Variants in CACNA2D1 observed in about 807,000 individuals in gnomAD.
CACNA2D1 encodes the protein voltage-dependent calcium channel subunit alpha-2/delta-1.
In CACNA2D1, 53 loss-of-function variants were observed where a neutral mutation model predicts 171.5. That is an observed-to-expected ratio of 0.31 (90% confidence interval 0.25 to 0.39). The LOEUF (loss-of-function observed/expected upper bound fraction) is 0.39. CACNA2D1 is among the 10% of genes least tolerant of loss of function. The pLI is 1.00. For missense variants in CACNA2D1, 903 were observed against 1,299.8 expected (o/e 0.69, Z 4.69); for synonymous variants, 442 against 443.1 (o/e 1.00, Z 0.03).
Position 81,949,414 on chromosome 7 carries a change from T to C in CACNA2D1, c.*978A>G, listed in dbSNP as rs948236290. Reference sequence around the variant, plus strand: ...AGGTTCAGATTCTTACATAACAATATCACTCAGTTAACTTTTCAATGACTA... The same window carrying C: ...AGGTTCAGATTCTTACATAACAATACCACTCAGTTAACTTTTCAATGACTA... On this transcript the variant is annotated 3_prime_UTR_variant, in exon 39 of 39. Coordinates refer to ENST00000356860, the MANE Select transcript of CACNA2D1 (RefSeq NM_000722.4). 1.3e-5 allele frequency: 2 copies of C among 151,984 alleles called. No individual in the cohort carries two copies. The highest frequency in any genetic ancestry group is 4.1e-4 in the South Asian group (2 of 4,834). The allele number at this position is 151,984 out of a possible 1,614,324, so 9.4% of individuals were successfully genotyped here. A position where few individuals can be genotyped will look rare whatever the true frequency, so the allele number is the denominator to read the frequency against.
chr7:82,189,161 A>C (rs1210235816), intron 3 of CACNA2D1, among the ~76,000 whole-genome samples: 1 of 152,016 alleles, frequency 6.6e-6, no homozygotes, highest in Non-Finnish European at 1.5e-5. Flanking sequence ...TGTACCCTTG[A>C]ACCTAAAACA....
chr7:82,302,411 C>CT (rs200236524), intron 3 of CACNA2D1, among the ~76,000 whole-genome samples: 61,628 of 140,048 alleles, frequency 0.44, 13,437 homozygotes, highest in African/African-American at 0.48. Context: ...ATTTCTAATT[C>CT]TTTTTTTTTT....
intron 4 of CACNA2D1, among the ~76,000 whole-genome samples, chr7:82,163,154 A>C (rs948206710): frequency 6.6e-6 from 1 of 152,108 alleles, no homozygotes; most frequent in African/African-American, 2.4e-5. Context: ...GATTGACAAT[A>C]AATGGAAATA....
chr7:82,371,687 G>A (rs147930163), intron 1 of CACNA2D1, among the ~76,000 whole-genome samples: 271 of 152,096 alleles, frequency 1.8e-3, no homozygotes, highest in Non-Finnish European at 2.8e-3. Flanking sequence ...CGATTCCCCT[G>A]CCTTAGACTC....
intron 1 of CACNA2D1, among the ~76,000 whole-genome samples, chr7:82,434,745 C>T (rs1053482236): frequency 6.6e-6 from 1 of 152,104 alleles, no homozygotes; most frequent in Non-Finnish European, 1.5e-5. Context: ...CACTTGTCTC[C>T]ATATTCTCAA....
chr7:82,142,198 C>G (rs258718), intron 4 of CACNA2D1, among the ~76,000 whole-genome samples: 15,812 of 152,162 alleles, frequency 0.1, 1,028 homozygotes, highest in Middle Eastern at 0.24. Flanking sequence ...AAATTGTTTT[C>G]TTTCTGATTT....
rs1826315387 is a variant in CACNA2D1 at position 82,400,844 on chromosome 7, C to CA, written c.95+42520dup. Among the ~76,000 whole-genome samples the CA allele has an allele frequency of 2.0e-5, 3 of 151,220 alleles. No individual in the cohort carries two copies. In the South Asian group the frequency reaches 6.3e-4, roughly 32 times the overall value. On this transcript the variant is annotated intron_variant, in intron 1 of 38. Coordinates refer to ENST00000356860, the MANE Select transcript of CACNA2D1 (RefSeq NM_000722.4). ...TAATATCCAGAATCTACAATGAACTCAAACAAATTTACAAGAAAAAAACAA... is the reference window on the plus strand; with the variant it reads ...TAATATCCAGAATCTACAATGAACTCAAAACAAATTTACAAGAAAAAAACAA...
intron 10 of CACNA2D1, among the ~76,000 whole-genome samples, chr7:82,052,218 G>T (rs1023157789): frequency 6.6e-6 from 1 of 152,084 alleles, no homozygotes; most frequent in Admixed American, 6.5e-5. Context: ...GAAAAATTAC[G>T]GTCAAAGTTA....
chr7:81,988,841 C>T (rs2130716057), intron 21 of CACNA2D1, among the ~76,000 whole-genome samples: 1 of 152,234 alleles, frequency 6.6e-6, no homozygotes, highest in South Asian at 2.1e-4. Context: ...ACAATCCCTG[C>T]CCTCTTGGAA....
intron 5 of CACNA2D1, among the ~76,000 whole-genome samples, chr7:82,130,063 G>A (rs1185741381): frequency 2.0e-5 from 3 of 152,168 alleles, no homozygotes; most frequent in East Asian, 1.9e-4. Context: ...TAACTATGAC[G>A]TGTTCTTAAA....
In CACNA2D1 at chr7:82,175,149, AATT is replaced by A. The variant is rs563683950; in HGVS notation, c.295-4543_295-4541del. Among the ~76,000 whole-genome samples, 222 of 152,044 alleles carry A rather than the reference AATT, an allele frequency of 1.5e-3. 1 individual carries two copies. Among genetic ancestry groups the A allele is most frequent in the Non-Finnish European group, 2.4e-3 (163 of 67,898 alleles). On this transcript the variant is annotated intron_variant, in intron 3 of 38. Transcript: ENST00000356860. ...GTTAAAGATAAAATTTGCTTTCTGA[AATT>A]ATGAGAAATTTTCTTTTGATAGCTT...
At chr7:82,264,290 C>A (rs1807518732) in intron 3 of CACNA2D1, among the ~76,000 whole-genome samples, 1 of 152,046 alleles carries the variant, frequency 6.6e-6, no homozygotes, top group African/African-American at 2.4e-5. Flanking sequence ...TAGTCCTATT[C>A]AATATTAATG....
At chr7:82,236,653 A>G (rs2129288078) in intron 3 of CACNA2D1, among the ~76,000 whole-genome samples, 1 of 152,258 alleles carries the variant, frequency 6.6e-6, no homozygotes, top group South Asian at 2.1e-4. Context: ...AGAATGGAGA[A>G]TTCAACCAAA....
chr7:82,329,114 G>A (rs979170695), intron 3 of CACNA2D1, among the ~76,000 whole-genome samples: 1 of 151,698 alleles, frequency 6.6e-6, no homozygotes, highest in Non-Finnish European at 1.5e-5. Context: ...AGAATGACTG[G>A]CCTAAGAGTT....
rs572846798 is a variant in CACNA2D1, at chr7:82,438,782, CAA to C, written c.95+4581_95+4582del. Among the ~76,000 whole-genome samples, 710 of 152,252 alleles carry C rather than the reference CAA, an allele frequency of 4.7e-3. 6 individuals carry two copies. Among genetic ancestry groups the C allele is most frequent in the Non-Finnish European group, 7.4e-3 (506 of 67,992 alleles). On this transcript the variant is annotated intron_variant, in intron 1 of 38. Coordinates refer to ENST00000356860, the MANE Select transcript of CACNA2D1 (RefSeq NM_000722.4). The stretch of plus-strand genomic sequence containing the variant: ...TAAATGTGGAGGCGATATAATAGAA[CAA>C]AGTTTGTTCCCCATGGAAAGCAGCT...
intron 6 of CACNA2D1, among the ~76,000 whole-genome samples, chr7:82,099,194 T>C (rs946071707): frequency 1.3e-5 from 2 of 152,136 alleles, no homozygotes; most frequent in African/African-American, 4.8e-5. Flanking sequence ...TTTCCAAATA[T>C]ATCTGTAGCA....
intron 1 of CACNA2D1, among the ~76,000 whole-genome samples, chr7:82,376,162 C>A (rs1822994920): frequency 6.6e-6 from 1 of 152,044 alleles, no homozygotes; most frequent in Admixed American, 6.6e-5. Flanking sequence ...TGGCTAAATC[C>A]TTTAAAAACA....
chr7:82,246,738 T>G (rs1420763855), intron 3 of CACNA2D1, among the ~76,000 whole-genome samples: 1 of 152,204 alleles, frequency 6.6e-6, no homozygotes, highest in Non-Finnish European at 1.5e-5. Flanking sequence ...TTCAGATCAT[T>G]CTGAACTTTA....
At chr7:82,017,090 C>T (rs1359698343) in intron 12 of CACNA2D1, among the ~76,000 whole-genome samples, 1 of 151,954 alleles carries the variant, frequency 6.6e-6, no homozygotes, top group African/African-American at 2.4e-5. Flanking sequence ...CTTGGTTTTA[C>T]GTATATGTAT....
Sources: gnomAD v4.1 joint callset for allele counts (sites outside exome capture counted in the v4.1 genomes callset) on GRCh38, gnomAD v4.1.1 for gene constraint, MANE v1.5 for transcripts, NCBI Gene and HGNC (gene_info 2026-07-23, HGNC 2026-07-21) for gene names.